TMPRSS9: variants seen among roughly 807,000 people sequenced by gnomAD.
The protein encoded by TMPRSS9 is transmembrane serine protease 9.
In TMPRSS9, 113 loss-of-function variants were observed where a neutral mutation model predicts 111.4. The ratio of observed to expected loss-of-function variants is 1.01; its 90% CI spans 0.87 to 1.19. The LOEUF (loss-of-function observed/expected upper bound fraction) is 1.19. Among genes scored for constraint, TMPRSS9 ranks in the 50% most tolerant of loss-of-function variants. TMPRSS9 has a pLI of 0.00. For missense variants in TMPRSS9, 1,803 were observed against 1,513.1 expected (o/e 1.19, Z -3.18); for synonymous variants, 805 against 659.1 (o/e 1.22, Z -3.39).
intron 9 of TMPRSS9, among the ~76,000 whole-genome samples, chr19:2,412,624 T>C (rs1165492899): frequency 6.6e-6 from 1 of 152,134 alleles, no homozygotes; most frequent in Non-Finnish European, 1.5e-5. Context: ...CTTTCTCTTG[T>C]GTCTTGAGCT....
chr19:2,410,271 G>A (rs767506121), exon 9 of TMPRSS9: 2 of 1,613,872 alleles, frequency 1.2e-6, no homozygotes, highest in African/African-American at 1.3e-5. Flanking sequence ...TCAAGCCAGA[G>A]GTGCTGCAGA....
In TMPRSS9 at chr19:2,422,174, C is replaced by G. The variant is rs202111624; in HGVS notation, c.2475C>G (p.Ala825=). 6.4e-6 allele frequency: 10 copies of G among 1,571,126 alleles called. No homozygotes were observed. In the South Asian group the frequency reaches 8.3e-5, roughly 13 times the overall value. The change falls in exon 14 of 18, where the codon GCC becomes GCG. Residue 825 remains alanine (A), a synonymous_variant. Transcript: ENST00000648592. ...AACCTGCCAACTCAACCTTATCTGCCGTGAGCACCACTGCTAGGGGACAGA... is the reference window on the plus strand; with the variant it reads ...AACCTGCCAACTCAACCTTATCTGCGGTGAGCACCACTGCTAGGGGACAGA...
At chr19:2,409,482 A>C (rs910291205) in intron 8 of TMPRSS9, among the ~76,000 whole-genome samples, 8 of 152,082 alleles carry the variant, frequency 5.3e-5, no homozygotes, top group African/African-American at 1.4e-4. Flanking sequence ...ACATCTAAAT[A>C]GTCACCTGTG....
chr19:2,425,043 C>T (rs1436627400), exon 16 of TMPRSS9: 2 of 1,556,736 alleles, frequency 1.3e-6, no homozygotes, highest in South Asian at 1.2e-5. Flanking sequence ...CTAGGCACGC[C>T]GTTCCTGAGC....
At chr19:2,370,651 C>G (rs1486934484) in intron 1 of TMPRSS9, among the ~76,000 whole-genome samples, 6 of 152,118 alleles carry the variant, frequency 3.9e-5, no homozygotes, top group Non-Finnish European at 8.8e-5. Flanking sequence ...TTAAAATGGA[C>G]TTTGCATTAT....
intron 12 of TMPRSS9, among the ~76,000 whole-genome samples, chr19:2,417,792 G>T (rs1397472243): frequency 1.3e-5 from 2 of 152,146 alleles, no homozygotes; most frequent in African/African-American, 4.8e-5. Context: ...AGCCCCATGG[G>T]GACAGTGGGG....
chr19:2,426,050 G>C (rs757317254), exon 18 of TMPRSS9: 1 of 1,609,594 alleles, frequency 6.2e-7, no homozygotes, highest in Admixed American at 1.7e-5. Flanking sequence ...CCGGGTGGCA[G>C]CTGTGAGAGG....
At chr19:2,418,412 T>C (rs1219746370) in intron 13 of TMPRSS9, among the ~76,000 whole-genome samples, 2 of 21,924 alleles carry the variant, frequency 9.1e-5, no homozygotes, top group African/African-American at 4.5e-4. Flanking sequence ...TTCCTTCCAT[T>C]CCTTCCCTCC....
At chr19:2,410,464 A>C (rs2145358115) in intron 9 of TMPRSS9, 70 bp downstream of exon 10, 1 of 1,568,072 alleles carries the variant, frequency 6.4e-7, no homozygotes, top group Non-Finnish European at 8.6e-7. Flanking sequence ...ATGCTGAGCA[A>C]TTCACAGATA....
rs963181345 is a variant in TMPRSS9, at chr19:2,417,896, C to T, written c.2018-106C>T. 1.6e-4 allele frequency: 234 copies of T among 1,447,324 alleles called. 2 individuals are homozygous for T. Among genetic ancestry groups the T allele is most frequent in the Admixed American group, 5.4e-4 (29 of 53,338 alleles). The allele number at this position is 1,447,324 out of a possible 1,614,324, so 89.7% of individuals were successfully genotyped here. On this transcript the variant is annotated intron_variant, in intron 12 of 17. Transcript: ENST00000648592. Reference sequence around the variant, plus strand: ...GCAACTCTGTGAGCCCTGGTTTCTTCGTCTGTGGGGTGGGGATGCTGCATC... The same window carrying T: ...GCAACTCTGTGAGCCCTGGTTTCTTTGTCTGTGGGGTGGGGATGCTGCATC...
chr19:2,422,350 C>T (rs1971486561), intron 14 of TMPRSS9, 103 bp downstream of exon 15: 14 of 1,367,138 alleles, frequency 1.0e-5, no homozygotes, highest in East Asian at 5.2e-5. Flanking sequence ...GAGGCCGAGG[C>T]GGGCGGATCA....
intron 1 of TMPRSS9, among the ~76,000 whole-genome samples, chr19:2,374,398 C>T (rs1378513773): frequency 7.7e-6 from 1 of 129,192 alleles, no homozygotes; most frequent in Non-Finnish European, 1.6e-5. Context: ...TATGGTGAAA[C>T]CCCGTCTCTA....
intron 14 of TMPRSS9, among the ~76,000 whole-genome samples, chr19:2,422,643 T>G (rs1971493411): frequency 2.0e-5 from 3 of 152,086 alleles, no homozygotes; most frequent in Admixed American, 6.5e-5. Flanking sequence ...CCCAGCACTT[T>G]GGGAGGCCAA....
chr19:2,379,619 T>TTCTTTCTTTCTTTCTTTCTA (rs1555676531), intron 1 of TMPRSS9, among the ~76,000 whole-genome samples: 27 of 106,766 alleles, frequency 2.5e-4, no homozygotes, highest in African/African-American at 9.9e-4. Flanking sequence ...TTCTTTCTCT[T>TTCTTTCTTTCTTTCTTTCTA]TCTTTCTTTC....
At position 2,422,368 on chromosome 19, in the gene TMPRSS9, A is replaced by G. The variant is rs954799037; in HGVS notation, c.2548+121A>G. On this transcript the variant is annotated intron_variant, in intron 14 of 17. Transcript: ENST00000648592. ...GCCGAGGCGGGCGGATCAAGAGGTC[A>G]GGAGATCGAGACCATCCTGGCGAAC... 53 of 1,218,312 alleles carry G rather than the reference A, an allele frequency of 4.4e-5. 1 individual carries two copies. Among genetic ancestry groups the G allele is most frequent in the East Asian group, 3.8e-4 (14 of 36,870 alleles). The allele number at this position is 1,218,312 out of a possible 1,614,324, so 75.5% of individuals were successfully genotyped here. A position where few individuals can be genotyped will look rare whatever the true frequency, so the allele number is the denominator to read the frequency against.
At chr19:2,416,940 C>G (rs1041092915) in intron 12 of TMPRSS9, 131 bp downstream of exon 13, 1 of 1,240,456 alleles carries the variant, frequency 8.1e-7, no homozygotes, top group African/African-American at 1.5e-5. Flanking sequence ...TGGCTGATCC[C>G]TTTGTCTTTG....
At chr19:2,424,947 C>T in intron 15 of TMPRSS9, 55 bp from the exon 17 acceptor site, 2 of 1,395,958 alleles carry the variant, frequency 1.4e-6, no homozygotes, top group Non-Finnish European at 1.8e-6. Flanking sequence ...ACCACAGGGG[C>T]GGGGGCCGGG....
intron 1 of TMPRSS9, among the ~76,000 whole-genome samples, chr19:2,361,819 C>G (rs755004478): frequency 5.9e-5 from 9 of 152,194 alleles, no homozygotes; most frequent in Admixed American, 1.3e-4. Context: ...GGCACTGCCC[C>G]GCAGGACTGC....
chr19:2,387,044 G>T (rs1970491706), upstream of TMPRSS9, among the ~76,000 whole-genome samples: 1 of 151,568 alleles, frequency 6.6e-6, no homozygotes. Flanking sequence ...AATGTAGCAA[G>T]ATCCCCTCTC....
Sources: gnomAD v4.1 joint callset for allele counts (sites outside exome capture counted in the v4.1 genomes callset) on GRCh38, gnomAD v4.1.1 for gene constraint, MANE v1.5 for transcripts, NCBI Gene and HGNC (gene_info 2026-07-23, HGNC 2026-07-21) for gene names.